The following PCDH15 variants were observed in gnomAD, a reference collection of about 807,000 sequenced individuals.
PCDH15 encodes the protein protocadherin related 15, also known as protocadherin-15.
PCDH15 carries 129 observed loss-of-function variants against 178.5 expected under a neutral mutation model. The ratio of observed to expected loss-of-function variants is 0.72; its 90% CI spans 0.63 to 0.84. PCDH15 has a LOEUF of 0.84. PCDH15 is among the 40% of genes least tolerant of loss of function. PCDH15 has a pLI of 0.00. For missense variants in PCDH15, 2,230 were observed against 2,099.9 expected (o/e 1.06, Z -1.21); for synonymous variants, 800 against 732.0 (o/e 1.09, Z -1.50).
intron 2 of PCDH15, among the ~76,000 whole-genome samples, chr10:55,412,465 C>T (rs1838362962): frequency 6.6e-6 from 1 of 151,690 alleles, no homozygotes; most frequent in Admixed American, 6.6e-5. Context: ...GGGAGTGTGG[C>T]TAGGTAGTGA....
chr10:55,622,182 T>G (rs1006963090), intron 2 of PCDH15, among the ~76,000 whole-genome samples: 1 of 137,586 alleles, frequency 7.3e-6, no homozygotes, highest in Non-Finnish European at 1.5e-5. Flanking sequence ...ATTATATATA[T>G]ATACATTTTA....
intron 11 of PCDH15, among the ~76,000 whole-genome samples, chr10:54,191,535 C>A (rs906584440): frequency 1.3e-5 from 2 of 151,974 alleles, no homozygotes; most frequent in African/African-American, 2.4e-5. Context: ...AAAACTCAGG[C>A]CACAAAAATG....
At chr10:54,658,182 G>T (rs576242553) in intron 2 of PCDH15, among the ~76,000 whole-genome samples, 49 of 152,072 alleles carry the variant, frequency 3.2e-4, no homozygotes, top group African/African-American at 1.1e-3. Context: ...TCTTGAGGAA[G>T]GAGAGAAAGA....
intron 15 of PCDH15, among the ~76,000 whole-genome samples, chr10:54,098,113 C>T (rs2094733875): frequency 6.6e-6 from 1 of 151,780 alleles, no homozygotes; most frequent in Non-Finnish European, 1.5e-5. Flanking sequence ...AAAAAGAAAC[C>T]CCACATGCTT....
chr10:55,349,281 C>G (rs1844846423), intron 2 of PCDH15, among the ~76,000 whole-genome samples: 1 of 152,122 alleles, frequency 6.6e-6, no homozygotes, highest in African/African-American at 2.4e-5. Context: ...CTCTCAAAAG[C>G]ACTGGGCTGT....
At chr10:55,299,237 A>G (rs1443080797) in intron 1 of PCDH15, among the ~76,000 whole-genome samples, 1 of 152,156 alleles carries the variant, frequency 6.6e-6, no homozygotes, top group African/African-American at 2.4e-5. Flanking sequence ...TCTTGGACAG[A>G]TAGAAATAAG....
intron 25 of PCDH15, among the ~76,000 whole-genome samples, chr10:53,908,394 C>T (rs2082829491): frequency 6.6e-6 from 1 of 152,210 alleles, no homozygotes; most frequent in African/African-American, 2.4e-5. Flanking sequence ...ATACCCTCTC[C>T]TCAATCCATC....
chr10:53,885,995 T>C (rs1007376717), intron 26 of PCDH15, among the ~76,000 whole-genome samples: 2 of 152,092 alleles, frequency 1.3e-5, no homozygotes, highest in Non-Finnish European at 1.5e-5. Flanking sequence ...CAAAGAAAAA[T>C]GGCTGTGTGT....
chr10:54,732,550 A>G (rs534760673), intron 1 of PCDH15, among the ~76,000 whole-genome samples: 2 of 151,684 alleles, frequency 1.3e-5, no homozygotes, highest in African/African-American at 4.8e-5. Flanking sequence ...AGACTTAAAA[A>G]TTCTTCCAAC....
At chr10:53,928,726 A>C (rs2084790064) in intron 25 of PCDH15, among the ~76,000 whole-genome samples, 1 of 151,964 alleles carries the variant, frequency 6.6e-6, no homozygotes, top group Non-Finnish European at 1.5e-5. Flanking sequence ...GTTTAGAGTG[A>C]CTGTTGTATC....
intron 13 of PCDH15, among the ~76,000 whole-genome samples, chr10:54,176,545 C>G (rs1343806863): frequency 6.6e-6 from 1 of 152,012 alleles, no homozygotes; most frequent in Non-Finnish European, 1.5e-5. Flanking sequence ...ATATATTATT[C>G]TCGGATTCAT....
intron 2 of PCDH15, among the ~76,000 whole-genome samples, chr10:54,607,175 TTA>T (rs982440240): frequency 3.9e-5 from 6 of 152,080 alleles, no homozygotes; most frequent in African/African-American, 1.4e-4. Context: ...ATGAGTTGTT[TTA>T]TATGTTTACA....
chr10:54,995,759 C>T (rs1273028826), intron 2 of PCDH15, among the ~76,000 whole-genome samples: 1 of 151,788 alleles, frequency 6.6e-6, no homozygotes, highest in East Asian at 1.9e-4. Flanking sequence ...AGAACTGAAA[C>T]TTAACAGGTT....
intron 15 of PCDH15, among the ~76,000 whole-genome samples, chr10:54,105,249 T>C (rs2094891224): frequency 6.9e-6 from 1 of 144,052 alleles, no homozygotes; most frequent in South Asian, 2.2e-4. Flanking sequence ...ACAAGAGATA[T>C]AGATATAGAT....
At chr10:54,846,016 T>G (rs1415076695) in intron 3 of PCDH15, among the ~76,000 whole-genome samples, 4 of 152,124 alleles carry the variant, frequency 2.6e-5, no homozygotes, top group Non-Finnish European at 5.9e-5. Flanking sequence ...TAAAAACCAT[T>G]TAATATGGTT....
At chr10:54,879,197 T>TGC (rs1318916950) in intron 3 of PCDH15, among the ~76,000 whole-genome samples, 1 of 151,690 alleles carries the variant, frequency 6.6e-6, no homozygotes, top group East Asian at 1.9e-4. Context: ...TGTGTGTGTG[T>TGC]GTGTGTGCTT....
chr10:55,266,150 T>C (rs990058731), intron 1 of PCDH15, among the ~76,000 whole-genome samples: 4 of 152,172 alleles, frequency 2.6e-5, no homozygotes, highest in Non-Finnish European at 4.4e-5. Flanking sequence ...ACTAAATTCT[T>C]TCCTTGTATA....
At position 54,060,040 on chromosome 10, in the gene PCDH15, C is replaced by T. The variant is rs183141759; in HGVS notation, c.2220+6717G>A. Reference sequence around the variant, plus strand: ...AAAAATACAAAAATCAGGATCGCAACCATGAGCTCTATTTTGATAATAACA... The same window carrying T: ...AAAAATACAAAAATCAGGATCGCAATCATGAGCTCTATTTTGATAATAACA... On this transcript the variant is annotated intron_variant, in intron 18 of 37. Transcript: ENST00000644397. 7.5e-3 allele frequency among the ~76,000 whole-genome samples: 1,139 copies of T among 152,274 alleles called. 14 individuals are homozygous for T. The highest frequency in any genetic ancestry group is 0.026 in the African/African-American group (1,064 of 41,552).
At chr10:54,477,443 T>A (rs1348427932) in intron 3 of PCDH15, among the ~76,000 whole-genome samples, 2 of 152,160 alleles carry the variant, frequency 1.3e-5, no homozygotes, top group African/African-American at 4.8e-5. Flanking sequence ...TGTGCTAGAA[T>A]TGCATCTCTA....
Sources: allele counts gnomAD v4.1 joint callset (sites outside exome capture counted in the v4.1 genomes callset), GRCh38; gene constraint gnomAD v4.1.1; transcripts MANE v1.5; gene names NCBI Gene and HGNC (gene_info 2026-07-23, HGNC 2026-07-21).